Variants in POLR1D observed in about 807,000 individuals in gnomAD.
POLR1D encodes RNA polymerase I and III subunit D.
A neutral mutation model predicts 10.8 loss-of-function variants in POLR1D; 8 were observed. That is an observed-to-expected ratio of 0.74 (90% CI 0.43 to 1.33). The LOEUF (loss-of-function observed/expected upper bound fraction) is 1.33. Ranked by LOEUF, POLR1D falls within the 40% of genes most tolerant of loss-of-function variation. The pLI, the probability that POLR1D is intolerant of heterozygous loss-of-function variation, is 0.01. For missense variants in POLR1D, 152 were observed against 161.7 expected, an observed-to-expected ratio of 0.94 and a Z score of 0.32; for synonymous variants, 54 against 57.2, an observed-to-expected ratio of 0.94 and a Z score of 0.25.
chr13:27,655,140 A>G (rs1195054212), intron 2 of POLR1D, among the ~76,000 whole-genome samples: 1 of 152,242 alleles, frequency 6.6e-6, no homozygotes, highest in Non-Finnish European at 1.5e-5. Flanking sequence ...TTAGCACAAG[A>G]TAAACATTCA....
intron 1 of POLR1D, among the ~76,000 whole-genome samples, chr13:27,638,654 C>T (rs534965014): frequency 2.6e-5 from 4 of 152,268 alleles, no homozygotes; most frequent in Non-Finnish European, 5.9e-5. Flanking sequence ...AGCCTTGACA[C>T]GCTGAAGAAA....
intron 2 of POLR1D, among the ~76,000 whole-genome samples, chr13:27,654,432 A>G (rs979570881): frequency 6.6e-6 from 1 of 152,184 alleles, no homozygotes; most frequent in Non-Finnish European, 1.5e-5. Context: ...ATCTCATCAG[A>G]TCAGTCTTTT....
chr13:27,639,005 G>A (rs1956152516), intron 1 of POLR1D, among the ~76,000 whole-genome samples: 1 of 151,616 alleles, frequency 6.6e-6, no homozygotes, highest in South Asian at 2.1e-4. Flanking sequence ...ACAGCTATTT[G>A]GTGAGAGTCT....
At chr13:27,649,777 C>T (rs552114314) in intron 2 of POLR1D, among the ~76,000 whole-genome samples, 1 of 152,198 alleles carries the variant, frequency 6.6e-6, no homozygotes, top group Admixed American at 6.5e-5. Context: ...CAGTGAGCAC[C>T]CCGGTGCCAA....
chr13:27,622,222 A>G, intron 1 of POLR1D: 1 of 607,828 alleles, frequency 1.6e-6, no homozygotes, highest in East Asian at 2.8e-5. Flanking sequence ...GGGAGACCAG[A>G]GTTAAGTATC....
chr13:27,662,275 T>G (rs923307967), intron 2 of POLR1D, among the ~76,000 whole-genome samples: 1 of 152,190 alleles, frequency 6.6e-6, no homozygotes, highest in African/African-American at 2.4e-5. Context: ...ATCCTTTTTC[T>G]AAAACCTTTG....
chr13:27,622,084 G>T (rs535641331), intron 1 of POLR1D, 75 bp downstream of exon 1: 2 of 1,315,956 alleles, frequency 1.5e-6, no homozygotes, highest in Admixed American at 4.0e-5. Context: ...ACGCTGCCTG[G>T]CCTGGCAGCC....
At chr13:27,632,912 T>G (rs999993647) in intron 1 of POLR1D, among the ~76,000 whole-genome samples, 4 of 152,176 alleles carry the variant, frequency 2.6e-5, no homozygotes, top group Non-Finnish European at 5.9e-5. Context: ...ATTGACTCTG[T>G]ATTGTTTTTA....
chr13:27,622,573 C>T (rs763436344), intron 1 of POLR1D, among the ~76,000 whole-genome samples: 14 of 152,168 alleles, frequency 9.2e-5, no homozygotes, highest in Non-Finnish European at 2.1e-4. Flanking sequence ...CTATTCTAAT[C>T]CTATCCCTTG....
At chr13:27,634,396 T>C (rs1028577000) in intron 1 of POLR1D, among the ~76,000 whole-genome samples, 4 of 152,222 alleles carry the variant, frequency 2.6e-5, no homozygotes, top group Admixed American at 2.6e-4. Flanking sequence ...CGGAGAGCAA[T>C]GAAAGATCAG....
rs564257040 is a variant in POLR1D at position 27,639,766 on chromosome 13, T to C, written c.27-8613T>C. Among the ~76,000 whole-genome samples the C allele has an allele frequency of 1.1e-3, 161 of 152,318 alleles. 1 individual carries two copies. Among genetic ancestry groups the C allele is most frequent in the Middle Eastern group, 3.4e-3 (1 of 294 alleles). On this transcript the variant is annotated intron_variant, in intron 1 of 2. Transcript: ENST00000399697. ...TCAGAGGCCATCTATAAATGGATAG[T>C]TGCAGATTTGAGAATGTCGAAGTCC...
chr13:27,629,961 G>T (rs974103607), intron 1 of POLR1D, among the ~76,000 whole-genome samples: 3 of 152,044 alleles, frequency 2.0e-5, no homozygotes, highest in African/African-American at 7.2e-5. Context: ...GCCCAGGCTG[G>T]AGTGCAGTGG....
chr13:27,653,114 G>A (rs996999219), intron 2 of POLR1D, among the ~76,000 whole-genome samples: 2 of 151,028 alleles, frequency 1.3e-5, no homozygotes, highest in African/African-American at 4.9e-5. Flanking sequence ...TCTTGGCCAG[G>A]CTGGTCTGGA....
chr13:27,630,194 A>AT (rs962559340), intron 1 of POLR1D, among the ~76,000 whole-genome samples: 5 of 151,978 alleles, frequency 3.3e-5, no homozygotes, highest in African/African-American at 1.2e-4. Context: ...AGCCAGCCTG[A>AT]TTTTTTTTAT....
At chr13:27,638,192 GC>G (rs1229704727) in intron 1 of POLR1D, among the ~76,000 whole-genome samples, 1 of 152,142 alleles carries the variant, frequency 6.6e-6, no homozygotes, top group Admixed American at 6.5e-5. Flanking sequence ...TATTTCACTG[GC>G]CCTTCATCAT....
exon 3 of POLR1D, chr13:27,666,223 T>G (rs1956417576): frequency 2.6e-6 from 1 of 381,872 alleles, no homozygotes; most frequent in Admixed American, 4.1e-5. Context: ...TTTGGAAGTG[T>G]GTTTCAAAAT....
intron 2 of POLR1D, among the ~76,000 whole-genome samples, chr13:27,659,777 G>A (rs1405314850): frequency 6.6e-6 from 1 of 152,072 alleles, no homozygotes; most frequent in Non-Finnish European, 1.5e-5. Flanking sequence ...TCACGTATCT[G>A]CTTCTGAACT....
chr13:27,632,966 TAACTA>T (rs1010783197), intron 1 of POLR1D, among the ~76,000 whole-genome samples: 1 of 152,146 alleles, frequency 6.6e-6, no homozygotes, highest in African/African-American at 2.4e-5. Flanking sequence ...AAAAGGGAAA[TAACTA>T]TTCTATAAGC....
At chr13:27,626,808 T>C (rs901274844), downstream of POLR1D, among the ~76,000 whole-genome samples, 1 of 152,246 alleles carries the variant, frequency 6.6e-6, no homozygotes, top group Non-Finnish European at 1.5e-5. Flanking sequence ...CAAAGTACTT[T>C]ACAAGCTAAT....
Sources: gnomAD v4.1 joint callset for allele counts (sites outside exome capture counted in the v4.1 genomes callset) on GRCh38, gnomAD v4.1.1 for gene constraint, MANE v1.5 for transcripts, NCBI Gene and HGNC (gene_info 2026-07-23, HGNC 2026-07-21) for gene names.